SLC14A2: variants seen among roughly 807,000 people sequenced by gnomAD.
SLC14A2 encodes the protein solute carrier family 14 member 2.
SLC14A2 carries 91 observed loss-of-function variants against 104.6 expected under a neutral mutation model. The observed-to-expected ratio is 0.87, with a 90% confidence interval of 0.73 to 1.04. SLC14A2 has a LOEUF of 1.04. Ranked by LOEUF, SLC14A2 falls within the 50% of genes least tolerant of loss-of-function variation. The pLI, the probability that SLC14A2 is intolerant of heterozygous loss-of-function variation, is 0.00. For synonymous variants in SLC14A2, 476 were observed against 466.4 expected (o/e 1.02, Z -0.27); for missense variants, 1,189 against 1,156.0 (o/e 1.03, Z -0.41).
chr18:45,257,113 A>T (rs2084487210), intron 1 of SLC14A2, among the ~76,000 whole-genome samples: 1 of 152,222 alleles, frequency 6.6e-6, no homozygotes, highest in Non-Finnish European at 1.5e-5. Flanking sequence ...GTTCTTCTGA[A>T]GGACCCATGT....
At chr18:45,574,502 A>G (rs148597667) in intron 2 of SLC14A2, among the ~76,000 whole-genome samples, 1 of 152,260 alleles carries the variant, frequency 6.6e-6, no homozygotes, top group Non-Finnish European at 1.5e-5. Context: ...CTCAAGGGAG[A>G]GGGCTGGAGA....
intron 10 of SLC14A2, among the ~76,000 whole-genome samples, chr18:45,645,022 C>T (rs2045595300): frequency 6.6e-6 from 1 of 152,072 alleles, no homozygotes; most frequent in Non-Finnish European, 1.5e-5. Context: ...CTCTTGCCTC[C>T]CATCCCCCAA....
chr18:45,335,559 C>G (rs889831164), intron 1 of SLC14A2, among the ~76,000 whole-genome samples: 1 of 152,068 alleles, frequency 6.6e-6, no homozygotes, highest in Non-Finnish European at 1.5e-5. Context: ...GAATAGATGT[C>G]AATAAAGATG....
chr18:45,328,906 G>T (rs969734680), intron 1 of SLC14A2, among the ~76,000 whole-genome samples: 67 of 152,342 alleles, frequency 4.4e-4, no homozygotes, highest in African/African-American at 1.6e-3. Context: ...TCCCGCCCTA[G>T]ATTTCACATT....
At chr18:45,355,577 CAAA>C (rs768389823) in intron 1 of SLC14A2, among the ~76,000 whole-genome samples, 2 of 51,124 alleles carry the variant, frequency 3.9e-5, no homozygotes, top group South Asian at 1.1e-3. Flanking sequence ...TACTCTGTCT[CAAA>C]AAAAAAAAAA....
intron 1 of SLC14A2, among the ~76,000 whole-genome samples, chr18:45,407,572 T>C (rs9948398): frequency 0.013 from 1,946 of 152,350 alleles, 37 homozygotes; most frequent in African/African-American, 0.044. Context: ...GGCTCAAGAA[T>C]CCTAGCTTTC....
chr18:45,388,224 G>A (rs148576277), intron 1 of SLC14A2, among the ~76,000 whole-genome samples: 1,777 of 151,694 alleles, frequency 0.012, 36 homozygotes, highest in African/African-American at 0.041. Context: ...CAACACGCCC[G>A]GCTAATTTTT....
intron 2 of SLC14A2, among the ~76,000 whole-genome samples, chr18:45,598,734 T>G (rs930751964): frequency 6.6e-6 from 1 of 152,188 alleles, no homozygotes; most frequent in Non-Finnish European, 1.5e-5. Flanking sequence ...CCTGGACTCT[T>G]GTCCTGACTT....
intron 1 of SLC14A2, among the ~76,000 whole-genome samples, chr18:45,350,096 C>G (rs991992521): frequency 1.3e-5 from 2 of 152,096 alleles, no homozygotes; most frequent in African/African-American, 4.8e-5. Context: ...AAACACAGAC[C>G]CTTGAGCATG....
chr18:45,217,889 A>C lies in SLC14A2; in HGVS notation c.-125+4698A>C, dbSNP rs151157063. Reference sequence around the variant, plus strand: ...ATCACAGAAGAATATTTTCAAAAAGATATCCAGGGAGAGATTTGCCTTGAA... The same window carrying C: ...ATCACAGAAGAATATTTTCAAAAAGCTATCCAGGGAGAGATTTGCCTTGAA... On this transcript the variant is annotated intron_variant, in intron 1 of 20. Transcript: ENST00000586448. 1.7e-3 allele frequency among the ~76,000 whole-genome samples: 256 copies of C among 152,336 alleles called. 2 individuals are homozygous for C. Among genetic ancestry groups the C allele is most frequent in the Middle Eastern group, 6.8e-3 (2 of 294 alleles).
Position 45,565,300 on chromosome 18 carries a change from AT to A in SLC14A2, c.-34-59326del, listed in dbSNP as rs527462227. The stretch of plus-strand genomic sequence containing the variant: ...CCACCAAGCCCTGCTAATTTTTTCT[AT>A]TTTTAGTAGAGATGGGGTTTCACTG... On this transcript the variant is annotated intron_variant, in intron 2 of 20. Transcript: ENST00000586448. Among the ~76,000 whole-genome samples, 152 of 151,642 alleles carry A rather than the reference AT, an allele frequency of 1.0e-3. 1 individual carries two copies. Among genetic ancestry groups the A allele is most frequent in the African/African-American group, 3.3e-3 (138 of 41,344 alleles).
chr18:45,314,955 A>G (rs2085114353), intron 1 of SLC14A2, among the ~76,000 whole-genome samples: 1 of 152,238 alleles, frequency 6.6e-6, no homozygotes, highest in African/African-American at 2.4e-5. Context: ...TCATGTTAGC[A>G]TGTGGTAGCT....
intron 2 of SLC14A2, 113 bp downstream of exon 2, chr18:45,624,927 C>T: frequency 1.8e-6 from 2 of 1,082,558 alleles, no homozygotes; most frequent in Non-Finnish European, 2.7e-6. Context: ...GAGGAAGTGC[C>T]ACTGTCAGTA....
intron 18 of SLC14A2, among the ~76,000 whole-genome samples, chr18:45,676,425 C>A (rs998781068): frequency 6.6e-6 from 1 of 152,196 alleles, no homozygotes; most frequent in Non-Finnish European, 1.5e-5. Flanking sequence ...CCCTGGCTAC[C>A]AACTCCAAGT....
At chr18:45,609,280 T>C (rs1162424304) in intron 2 of SLC14A2, among the ~76,000 whole-genome samples, 2 of 152,128 alleles carry the variant, frequency 1.3e-5, no homozygotes, top group African/African-American at 2.4e-5. Flanking sequence ...CCTCATTTTC[T>C]CCTTATTCTC....
intron 1 of SLC14A2, among the ~76,000 whole-genome samples, chr18:45,388,889 C>G (rs1336868296): frequency 2.0e-4 from 30 of 151,850 alleles, no homozygotes; most frequent in Non-Finnish European, 1.8e-4. Context: ...TTGGCTTCTT[C>G]AAAGAAGGCA....
At chr18:45,209,390 A>G (rs902192962), upstream of SLC14A2, among the ~76,000 whole-genome samples, 3 of 152,068 alleles carry the variant, frequency 2.0e-5, no homozygotes, top group African/African-American at 7.2e-5. Flanking sequence ...TGTGGTCAAA[A>G]TGTATAGAAA....
chr18:45,508,660 C>A (rs182878776), intron 2 of SLC14A2, among the ~76,000 whole-genome samples: 2 of 152,310 alleles, frequency 1.3e-5, no homozygotes, highest in East Asian at 3.9e-4. Context: ...CAACTTTCTA[C>A]AAGATGTTTC....
chr18:45,466,113 A>G (rs752237740), intron 1 of SLC14A2, among the ~76,000 whole-genome samples: 5 of 152,044 alleles, frequency 3.3e-5, no homozygotes, highest in Non-Finnish European at 2.9e-5. Flanking sequence ...CCAATTTGCA[A>G]CGAGCCCTGC....
Sources: gnomAD v4.1 joint callset for allele counts (sites outside exome capture counted in the v4.1 genomes callset) on GRCh38, gnomAD v4.1.1 for gene constraint, MANE v1.5 for transcripts, NCBI Gene and HGNC (gene_info 2026-07-23, HGNC 2026-07-21) for gene names.